BCR: variants seen among roughly 807,000 people sequenced by gnomAD.
The protein encoded by BCR is breakpoint cluster region protein.
BCR carries 58 observed loss-of-function variants against 138.6 expected under a neutral mutation model. That is an observed-to-expected ratio of 0.42 (90% CI 0.34 to 0.52). The LOEUF (loss-of-function observed/expected upper bound fraction) is 0.52. Ranked by LOEUF, BCR falls within the 20% of genes least tolerant of loss-of-function variation. The probability of loss-of-function intolerance (pLI) is 0.06; values close to 1 mark genes in which losing one functional copy is unlikely to be tolerated. For synonymous variants in BCR, 786 were observed against 730.1 expected, an observed-to-expected ratio of 1.08 and a Z score of -1.23; for missense variants, 1,599 against 1,727.2, an observed-to-expected ratio of 0.93 and a Z score of 1.32.
chr22:23,285,116 C>A lies in BCR; in HGVS notation c.2321C>A (p.Pro774His). ...FQMVDELEAV[P>H]NIPLVPDEEL... is the part of the protein sequence containing the mutation. ...ATGGTGGATGAACTGGAGGCAGTGC[C>A]CAACATCCCCCTGGTGCCCGATGAG... The change falls in exon 10 of 23, where the codon CCC becomes CAC. Residue 774 changes from proline (P) to histidine (H), a missense_variant. Physicochemically the swap from Pro to His is moderately conservative, Grantham distance 77. Around this residue, in one of 4 missense-constraint regions of BCR, gnomAD observed 590 missense variants for 762.4 expected, o/e 0.77. Coordinates refer to ENST00000305877, the MANE Select transcript of BCR (RefSeq NM_004327.4). 1 of 1,614,082 alleles carries A rather than the reference C, an allele frequency of 6.2e-7. No homozygotes were observed. Among genetic ancestry groups the A allele is most frequent in the Non-Finnish European group, 8.5e-7 (1 of 1,179,998 alleles).
At chr22:23,287,300 C>G in intron 11 of BCR, 22 bp downstream of exon 11, 1 of 1,513,988 alleles carries the variant, frequency 6.6e-7, no homozygotes, top group Non-Finnish European at 8.9e-7. Context: ...CTGTTCCGGC[C>G]CCTCCTGCTC....
intron 21 of BCR, among the ~76,000 whole-genome samples, chr22:23,314,325 C>T (rs1430672941): frequency 6.6e-6 from 1 of 152,196 alleles, no homozygotes; most frequent in East Asian, 1.9e-4. Flanking sequence ...GCACTTGGAC[C>T]CCCCTCTTCC....
intron 4 of BCR, 124 bp from the exon 5 acceptor site, chr22:23,268,284 C>G (rs2073468237): frequency 1.4e-6 from 1 of 732,952 alleles, no homozygotes; most frequent in Non-Finnish European, 2.2e-6. Context: ...GCCGAGGCCT[C>G]TGCAGCCTGT....
intron 5 of BCR, 72 bp downstream of exon 5, chr22:23,268,587 C>A: frequency 8.1e-7 from 1 of 1,237,112 alleles, no homozygotes. Flanking sequence ...CCGAGGAGAA[C>A]AGAGTGCACC....
At chr22:23,254,043 A>T (rs2073264858) in intron 2 of BCR, 63 bp downstream of exon 2, 1 of 1,518,714 alleles carries the variant, frequency 6.6e-7, no homozygotes, top group Admixed American at 2.0e-5. Context: ...GCGCAGCCCC[A>T]TGCTCAGGGG....
At chr22:23,254,637 G>A (rs1026945697) in intron 2 of BCR, 4 of 516,322 alleles carry the variant, frequency 7.7e-6, no homozygotes, top group African/African-American at 7.7e-5. Flanking sequence ...GCCCGGCCCT[G>A]CATGAAGTTC....
intron 5 of BCR, 29 bp downstream of exon 5, chr22:23,268,544 G>GC: frequency 6.3e-7 from 1 of 1,579,570 alleles, no homozygotes; most frequent in Non-Finnish European, 8.7e-7. Flanking sequence ...TCAGACAGGT[G>GC]CACCGCTGAC....
At chr22:23,194,889 T>A (rs2072459175) in intron 1 of BCR, among the ~76,000 whole-genome samples, 1 of 152,038 alleles carries the variant, frequency 6.6e-6, no homozygotes, top group South Asian at 2.1e-4. Context: ...TGGAGCAAAC[T>A]ATGATTGCAC....
chr22:23,245,217 G>A (rs147429272), intron 1 of BCR, among the ~76,000 whole-genome samples: 234 of 152,252 alleles, frequency 1.5e-3, no homozygotes, highest in African/African-American at 5.4e-3. Flanking sequence ...TCTCATCTGC[G>A]GTGTCTAGGG....
At chr22:23,210,639 G>A (rs2072670667) in intron 1 of BCR, among the ~76,000 whole-genome samples, 1 of 152,114 alleles carries the variant, frequency 6.6e-6, no homozygotes, top group Admixed American at 6.6e-5. Context: ...CTTGTTCCTT[G>A]TAGGCATTTC....
chr22:23,256,827 G>A (rs1423599729), intron 2 of BCR, among the ~76,000 whole-genome samples: 3 of 152,092 alleles, frequency 2.0e-5, no homozygotes, highest in Non-Finnish European at 4.4e-5. Context: ...GTTCTCTGTT[G>A]GCTTTTCCTG....
chr22:23,215,424 C>A lies in BCR; in HGVS notation c.1279+33185C>A, dbSNP rs1249889182. Reference sequence around the variant, plus strand: ...GGTTCTCTTGAGTAACTACCATGATCACAGCTTTCTGGAATGTAGCAGGTT... The same window carrying A: ...GGTTCTCTTGAGTAACTACCATGATAACAGCTTTCTGGAATGTAGCAGGTT... On this transcript the variant is annotated intron_variant, in intron 1 of 22. Transcript: ENST00000305877. Among the ~76,000 whole-genome samples the A allele has an allele frequency of 1.1e-4, 16 of 152,316 alleles. No individual in the cohort carries two copies. In the East Asian group the frequency reaches 2.5e-3, roughly 24 times the overall value.
At chr22:23,285,707 A>C (rs192747507) in intron 10 of BCR, among the ~76,000 whole-genome samples, 40 of 152,322 alleles carry the variant, frequency 2.6e-4, no homozygotes, top group African/African-American at 9.6e-4. Context: ...ACAGCACCAC[A>C]ATAGGAAACA....
chr22:23,265,738 C>T, intron 4 of BCR, among the ~76,000 whole-genome samples: 1 of 152,194 alleles, frequency 6.6e-6, no homozygotes, highest in East Asian at 1.9e-4. Context: ...GCCACATTTG[C>T]TTTATCTCTT....
Position 23,180,534 on chromosome 22 carries a change from C to A in BCR, c.-427C>A, listed in dbSNP as rs542797530. 34 of 183,256 alleles carry A rather than the reference C, an allele frequency of 1.9e-4. No individual in the cohort carries two copies. The East Asian group carries it at 4.4e-3, about 24-fold the overall frequency. The allele number at this position is 183,256 out of a possible 1,614,324, so 11.4% of individuals were successfully genotyped here. On this transcript the variant is annotated 5_prime_UTR_variant, in exon 1 of 23. Transcript: ENST00000305877. Reference sequence around the variant, plus strand: ...GCAGAGTGCGGGCCGGGCGGGAGTGCGGCGAGAGCCGGCTGGCTGAGCTTA... The same window carrying A: ...GCAGAGTGCGGGCCGGGCGGGAGTGAGGCGAGAGCCGGCTGGCTGAGCTTA...
intron 1 of BCR, among the ~76,000 whole-genome samples, chr22:23,221,257 C>T (rs1602029781): frequency 6.6e-6 from 1 of 152,152 alleles, no homozygotes; most frequent in African/African-American, 2.4e-5. Flanking sequence ...TTCCGAGGCA[C>T]ATGTTTGAGG....
At chr22:23,269,453 C>T (rs1394747241) in intron 5 of BCR, among the ~76,000 whole-genome samples, 3 of 152,182 alleles carry the variant, frequency 2.0e-5, no homozygotes, top group African/African-American at 4.8e-5. Context: ...GGAGTGAATG[C>T]GGTCACCCTT....
At chr22:23,301,721 C>T (rs918420510) in intron 16 of BCR, among the ~76,000 whole-genome samples, 4 of 152,208 alleles carry the variant, frequency 2.6e-5, no homozygotes, top group African/African-American at 9.6e-5. Flanking sequence ...TGATCTAGAC[C>T]ATGAAGGCTG....
intron 1 of BCR, among the ~76,000 whole-genome samples, chr22:23,217,772 A>G (rs1405250035): frequency 6.6e-6 from 1 of 152,238 alleles, no homozygotes; most frequent in Non-Finnish European, 1.5e-5. Context: ...AAATAAATAC[A>G]TGGGAAACCG....
Sources: allele counts gnomAD v4.1 joint callset (sites outside exome capture counted in the v4.1 genomes callset), GRCh38; gene constraint gnomAD v4.1.1; regional missense constraint gnomAD v4.1.1; transcripts MANE v1.5; gene names NCBI Gene and HGNC (gene_info 2026-07-23, HGNC 2026-07-21).